CNTN5: variants seen among roughly 807,000 people sequenced by gnomAD.
The protein encoded by CNTN5 is contactin 5, also known as contactin-5.
In CNTN5, 77 loss-of-function variants were observed where a neutral mutation model predicts 129.1. The observed-to-expected ratio is 0.60, with a 90% CI of 0.50 to 0.72. The LOEUF (loss-of-function observed/expected upper bound fraction) is 0.72, where lower values mean the gene tolerates loss of function less well. Ranked by LOEUF, CNTN5 falls within the 30% of genes least tolerant of loss-of-function variation. The probability of loss-of-function intolerance (pLI) is 0.00; values close to 1 mark genes in which losing one functional copy is unlikely to be tolerated. For missense variants in CNTN5, 1,478 were observed against 1,328.8 expected (o/e 1.11, Z -1.75); for synonymous variants, 509 against 465.6 (o/e 1.09, Z -1.20).
At chr11:100,012,839 C>A (rs1295454839) in intron 9 of CNTN5, among the ~76,000 whole-genome samples, 1 of 152,104 alleles carries the variant, frequency 6.6e-6, no homozygotes. Flanking sequence ...AAAAGATAAT[C>A]CCCAAATTGT....
intron 13 of CNTN5, among the ~76,000 whole-genome samples, chr11:100,076,088 TTGC>T (rs1944115494): frequency 6.6e-6 from 1 of 152,138 alleles, no homozygotes; most frequent in Non-Finnish European, 1.5e-5. Flanking sequence ...TAGTGGATTT[TTGC>T]TCACAACACT....
intron 21 of CNTN5, among the ~76,000 whole-genome samples, chr11:100,322,610 G>A (rs1395710770): frequency 6.6e-6 from 1 of 152,168 alleles, no homozygotes; most frequent in Non-Finnish European, 1.5e-5. Context: ...GTTGTTTCCA[G>A]TTGGGTCTGT....
Position 99,657,115 on chromosome 11 carries a change from T to A in CNTN5, c.55+100846T>A, listed in dbSNP as rs116516484. ...ATAAATCTAAGTACAGATAGCTTAA[T>A]GAAAAAATCGCAAACCTCCAACAAA... On this transcript the variant is annotated intron_variant, in intron 3 of 24. Coordinates refer to ENST00000524871, the MANE Select transcript of CNTN5 (RefSeq NM_014361.4). Among the ~76,000 whole-genome samples the A allele has an allele frequency of 2.2e-3, 338 of 150,726 alleles. 2 individuals carry two copies. Among genetic ancestry groups the A allele is most frequent in the African/African-American group, 7.5e-3 (308 of 41,152 alleles).
chr11:100,053,304 A>G (rs1414182293), intron 9 of CNTN5, among the ~76,000 whole-genome samples: 3 of 151,740 alleles, frequency 2.0e-5, no homozygotes, highest in Non-Finnish European at 4.4e-5. Context: ...AGAAAATAAA[A>G]AGGCAAGCTC....
chr11:99,678,523 G>A (rs1204372427), intron 3 of CNTN5, among the ~76,000 whole-genome samples: 2 of 152,158 alleles, frequency 1.3e-5, no homozygotes, highest in African/African-American at 4.8e-5. Flanking sequence ...GCACTTATAC[G>A]AGAAAGAAAA....
At chr11:99,681,551 G>A (rs932802781) in intron 3 of CNTN5, among the ~76,000 whole-genome samples, 1 of 151,920 alleles carries the variant, frequency 6.6e-6, no homozygotes, top group African/African-American at 2.4e-5. Context: ...TTTTAATTAA[G>A]GTATTTACAT....
intron 3 of CNTN5, among the ~76,000 whole-genome samples, chr11:99,770,318 T>C (rs1236168822): frequency 6.6e-6 from 1 of 152,098 alleles, no homozygotes; most frequent in East Asian, 1.9e-4. Flanking sequence ...GTCTCATTCT[T>C]ATATCTGTTC....
At chr11:99,382,288 A>G (rs1178128293) in intron 2 of CNTN5, among the ~76,000 whole-genome samples, 2 of 152,096 alleles carry the variant, frequency 1.3e-5, no homozygotes, top group South Asian at 2.1e-4. Flanking sequence ...GCACCCCCAC[A>G]TTTTGGCTTC....
At chr11:100,047,798 G>A (rs1316030714) in intron 9 of CNTN5, among the ~76,000 whole-genome samples, 5 of 151,908 alleles carry the variant, frequency 3.3e-5, no homozygotes, top group Non-Finnish European at 7.4e-5. Flanking sequence ...AGTGTGAGAG[G>A]ACATTATCTA....
chr11:100,120,330 C>T (rs903155019), intron 13 of CNTN5, among the ~76,000 whole-genome samples: 1 of 151,928 alleles, frequency 6.6e-6, no homozygotes, highest in Non-Finnish European at 1.5e-5. Flanking sequence ...AAGAGAATGT[C>T]ATTTCCTTCA....
At chr11:99,982,992 G>A (rs1938447745) in intron 8 of CNTN5, among the ~76,000 whole-genome samples, 1 of 152,164 alleles carries the variant, frequency 6.6e-6, no homozygotes, top group African/African-American at 2.4e-5. Context: ...AGGGCCCAAA[G>A]AGTAACAGGT....
chr11:99,544,715 G>A (rs758530545), intron 2 of CNTN5, among the ~76,000 whole-genome samples: 5 of 152,168 alleles, frequency 3.3e-5, no homozygotes, highest in Admixed American at 1.3e-4. Flanking sequence ...GCAAAGGCTG[G>A]TGCTACCTGG....
At chr11:99,390,494 A>G (rs1452562485) in intron 2 of CNTN5, among the ~76,000 whole-genome samples, 1 of 152,208 alleles carries the variant, frequency 6.6e-6, no homozygotes, top group African/African-American at 2.4e-5. Context: ...TGACATATAT[A>G]AAGTATCTTA....
intron 8 of CNTN5, among the ~76,000 whole-genome samples, chr11:99,999,055 A>G (rs1182847050): frequency 1.3e-5 from 2 of 152,108 alleles, no homozygotes; most frequent in East Asian, 1.9e-4. Flanking sequence ...TAAAAACCCT[A>G]GAAGAAAACC....
intron 3 of CNTN5, among the ~76,000 whole-genome samples, chr11:99,787,396 A>G (rs886653114): frequency 5.9e-5 from 9 of 151,782 alleles, no homozygotes; most frequent in African/African-American, 2.2e-4. Flanking sequence ...ATCTTTATTT[A>G]AAATATTTTT....
chr11:100,353,798 TTGTGTGTGTGTGTGTGCACGCCCA>T (rs1198624097), intron 24 of CNTN5, among the ~76,000 whole-genome samples: 1 of 150,482 alleles, frequency 6.6e-6, no homozygotes, highest in African/African-American at 2.4e-5. Flanking sequence ...CTTTTTGCAT[TTGTGTGTGTGTGTGTGCACGCCCA>T]TGTGTGTGTT....
In CNTN5 at chr11:100,102,170, G is replaced by A. The variant is rs1945245299; in HGVS notation, c.1580+27876G>A. Reference sequence around the variant, plus strand: ...CTTCATACTGTTTTCTATAGTGGTTGTACTAGTTTACATTGCCACCCTCAG... The same window carrying A: ...CTTCATACTGTTTTCTATAGTGGTTATACTAGTTTACATTGCCACCCTCAG... On this transcript the variant is annotated intron_variant, in intron 13 of 24. Transcript: ENST00000524871. Among the ~76,000 whole-genome samples, 4 of 151,716 alleles carry A rather than the reference G, an allele frequency of 2.6e-5. No homozygotes were observed. In the South Asian group the frequency reaches 8.3e-4, roughly 32 times the overall value.
At chr11:99,155,591 AT>A (rs1424443231) in intron 1 of CNTN5, among the ~76,000 whole-genome samples, 6 of 152,064 alleles carry the variant, frequency 3.9e-5, no homozygotes, top group Non-Finnish European at 7.4e-5. Flanking sequence ...TCAATTTTTT[AT>A]AGTTGATATA....
chr11:99,806,563 C>T (rs1946276710), intron 3 of CNTN5, among the ~76,000 whole-genome samples: 1 of 151,836 alleles, frequency 6.6e-6, no homozygotes, highest in South Asian at 2.1e-4. Flanking sequence ...AATCCTAGCA[C>T]CCTGGGAGGC....
Sources: allele counts gnomAD v4.1 joint callset (sites outside exome capture counted in the v4.1 genomes callset), GRCh38; gene constraint gnomAD v4.1.1; transcripts MANE v1.5; gene names NCBI Gene and HGNC (gene_info 2026-07-23, HGNC 2026-07-21).